FRMD4A: variants seen among roughly 807,000 people sequenced by gnomAD.
FRMD4A encodes the protein FERM domain-containing protein 4A.
A neutral mutation model predicts 129.1 loss-of-function variants in FRMD4A; 29 were observed. The ratio of observed to expected loss-of-function variants is 0.22; its 90% confidence interval spans 0.17 to 0.31. The LOEUF is 0.31. FRMD4A is among the 10% of genes least tolerant of loss of function. FRMD4A has a pLI of 1.00. For missense variants in FRMD4A, 1,272 were observed against 1,375.8 expected (o/e 0.92, Z 1.19); for synonymous variants, 634 against 571.6 (o/e 1.11, Z -1.56).
intron 2 of FRMD4A, among the ~76,000 whole-genome samples, chr10:13,942,786 A>T (rs1484601953): frequency 6.6e-6 from 1 of 152,098 alleles, no homozygotes; most frequent in African/African-American, 2.4e-5. Flanking sequence ...TACAAAAATT[A>T]GCTGGGCGTG....
At chr10:14,150,183 C>A (rs1375086384) in intron 2 of FRMD4A, among the ~76,000 whole-genome samples, 1 of 152,196 alleles carries the variant, frequency 6.6e-6, no homozygotes, top group Non-Finnish European at 1.5e-5. Context: ...CTGGGGATTA[C>A]AATTCAGTAT....
intron 19 of FRMD4A, among the ~76,000 whole-genome samples, chr10:13,662,929 C>G (rs898892420): frequency 6.6e-6 from 1 of 151,912 alleles, no homozygotes; most frequent in Non-Finnish European, 1.5e-5. Context: ...GGTTTTGGGC[C>G]AGGTATGGTG....
intron 2 of FRMD4A, among the ~76,000 whole-genome samples, chr10:14,072,612 G>A (rs1195789786): frequency 6.6e-6 from 1 of 152,142 alleles, no homozygotes; most frequent in Non-Finnish European, 1.5e-5. Context: ...GTAAAGCAGG[G>A]TTTTCATAAC....
intron 2 of FRMD4A, among the ~76,000 whole-genome samples, chr10:13,947,070 G>A (rs547510884): frequency 6.6e-6 from 1 of 152,260 alleles, no homozygotes; most frequent in South Asian, 2.1e-4. Context: ...ATCAAGGCAT[G>A]TCTGAAAGGC....
chr10:14,101,672 T>G (rs1211401925), intron 2 of FRMD4A, among the ~76,000 whole-genome samples: 1 of 152,166 alleles, frequency 6.6e-6, no homozygotes, highest in East Asian at 1.9e-4. Flanking sequence ...ACCTGGTCTT[T>G]ATGGTCACCA....
At chr10:14,076,348 A>T (rs554238620) in intron 2 of FRMD4A, among the ~76,000 whole-genome samples, 1 of 152,328 alleles carries the variant, frequency 6.6e-6, no homozygotes, top group Non-Finnish European at 1.5e-5. Context: ...CCACATTAAA[A>T]TGTGGATCAT....
intron 2 of FRMD4A, among the ~76,000 whole-genome samples, chr10:14,037,644 A>G (rs1471005110): frequency 8.5e-6 from 1 of 117,864 alleles, no homozygotes; most frequent in African/African-American, 2.8e-5. Flanking sequence ...TGTTGGCTCA[A>G]AAGTCATGTG....
intron 2 of FRMD4A, chr10:13,890,463 GA>G (rs1180061439): frequency 3.3e-5 from 31 of 927,676 alleles, no homozygotes; most frequent in Non-Finnish European, 3.9e-5. Context: ...GATGCTGTTG[GA>G]AAAGGACGAC....
chr10:13,760,076 T>C (rs984654321), intron 8 of FRMD4A, among the ~76,000 whole-genome samples: 4 of 152,076 alleles, frequency 2.6e-5, no homozygotes, highest in South Asian at 2.1e-4. Flanking sequence ...TACATGAACA[T>C]TTATATGAAA....
intron 3 of FRMD4A, among the ~76,000 whole-genome samples, chr10:13,846,316 G>A (rs78962365): frequency 0.011 from 1,677 of 152,218 alleles, 37 homozygotes; most frequent in African/African-American, 0.038. Context: ...AACTTTTCAG[G>A]AATGTGTTTG....
chr10:14,000,571 C>A (rs2095638298), intron 2 of FRMD4A, among the ~76,000 whole-genome samples: 1 of 131,700 alleles, frequency 7.6e-6, no homozygotes, highest in African/African-American at 2.9e-5. Flanking sequence ...CACCTGAACC[C>A]AGGAAGAGGA....
intron 6 of FRMD4A, among the ~76,000 whole-genome samples, chr10:13,765,629 G>A (rs1346293513): frequency 6.6e-6 from 1 of 152,160 alleles, no homozygotes; most frequent in Non-Finnish European, 1.5e-5. Context: ...CGGAAGAATT[G>A]GGGACAATAA....
chr10:14,236,953 A>C (rs1334074222), intron 2 of FRMD4A, among the ~76,000 whole-genome samples: 1 of 140,718 alleles, frequency 7.1e-6, no homozygotes, highest in Non-Finnish European at 1.5e-5. Flanking sequence ...AATTAGAGAT[A>C]CTGTAGATAA....
intron 22 of FRMD4A, chr10:13,655,944 CTTTT>C (rs60151046): frequency 3.4e-5 from 5 of 148,490 alleles, no homozygotes; most frequent in South Asian, 2.1e-4. Context: ...TGGTTTCTTC[CTTTT>C]TTTTTTGTTT....
chr10:13,996,819 A>G (rs539076687), intron 2 of FRMD4A, among the ~76,000 whole-genome samples: 18 of 152,358 alleles, frequency 1.2e-4, no homozygotes, highest in African/African-American at 4.3e-4. Flanking sequence ...TTGCTTTTAC[A>G]GAATAGATGT....
intron 14 of FRMD4A, among the ~76,000 whole-genome samples, chr10:13,699,791 C>T (rs1216307963): frequency 6.6e-6 from 1 of 152,168 alleles, no homozygotes. Flanking sequence ...CCCTGACACC[C>T]ACCCACTGTG....
chr10:13,953,187 C>T (rs1005175583), intron 2 of FRMD4A, among the ~76,000 whole-genome samples: 1 of 152,190 alleles, frequency 6.6e-6, no homozygotes, highest in Non-Finnish European at 1.5e-5. Flanking sequence ...CATATAGATG[C>T]TCTTCCCCTT....
intron 2 of FRMD4A, among the ~76,000 whole-genome samples, chr10:14,238,138 T>C (rs1843896604): frequency 6.6e-6 from 1 of 152,252 alleles, no homozygotes; most frequent in African/African-American, 2.4e-5. Flanking sequence ...GTTACACTTC[T>C]CTATCATCTA....
chr10:13,783,453 T>C (rs1159769816), intron 5 of FRMD4A, among the ~76,000 whole-genome samples: 2 of 152,150 alleles, frequency 1.3e-5, no homozygotes, highest in Admixed American at 6.5e-5. Flanking sequence ...CAGTGGTGCA[T>C]GGCTTACTGC....
Sources: allele counts gnomAD v4.1 joint callset (sites outside exome capture counted in the v4.1 genomes callset), GRCh38; gene constraint gnomAD v4.1.1; transcripts MANE v1.5; gene names NCBI Gene and HGNC (gene_info 2026-07-23, HGNC 2026-07-21).